ANO2: variants seen among roughly 807,000 people sequenced by gnomAD.
ANO2 encodes the protein anoctamin-2.
ANO2 carries 101 observed loss-of-function variants against 124.2 expected under a neutral mutation model. The observed-to-expected ratio is 0.81, with a 90% confidence interval of 0.69 to 0.96. ANO2 has a LOEUF of 0.96. Among genes scored for constraint, ANO2 ranks in the 40% least tolerant of loss-of-function variants. The probability of loss-of-function intolerance (pLI) is 0.00; values close to 1 mark genes in which losing one functional copy is unlikely to be tolerated. For missense variants in ANO2, 1,293 were observed against 1,274.5 expected, an observed-to-expected ratio of 1.01 and a Z score of -0.22; for synonymous variants, 486 against 482.5, an observed-to-expected ratio of 1.01 and a Z score of -0.09.
At chr12:5,916,312 A>G (rs1941370784) in intron 3 of ANO2, among the ~76,000 whole-genome samples, 1 of 152,018 alleles carries the variant, frequency 6.6e-6, no homozygotes, top group Non-Finnish European at 1.5e-5. Flanking sequence ...GAATCAATGT[A>G]CATGCAGAAC....
At chr12:5,848,553 T>TG (rs1245757497) in intron 4 of ANO2, among the ~76,000 whole-genome samples, 1 of 152,202 alleles carries the variant, frequency 6.6e-6, no homozygotes, top group Non-Finnish European at 1.5e-5. Context: ...TCCCTTAAAA[T>TG]GGGTGCCTTC....
chr12:5,739,484 G>A lies in ANO2; in HGVS notation c.1352-85C>T, dbSNP rs1286057820. On this transcript the variant is annotated intron_variant, in intron 12 of 24. Coordinates refer to ENST00000682330, the MANE Select transcript of ANO2 (RefSeq NM_001364791.2). The stretch of plus-strand genomic sequence containing the variant: ...CTTTGGGCTCACCAGTGGAGGTGGG[G>A]GATAAGCTATTTTAAATTTAGGAGC... The A allele has an allele frequency of 4.4e-6, 5 of 1,131,610 alleles. No individual in the cohort carries two copies. In the South Asian group the frequency reaches 7.2e-5, roughly 16 times the overall value. The allele number at this position is 1,131,610 out of a possible 1,614,324, so 70.1% of individuals were successfully genotyped here. A position where few individuals can be genotyped will look rare whatever the true frequency, so the allele number is the denominator to read the frequency against.
At chr12:5,854,952 A>G (rs1042330154) in intron 3 of ANO2, among the ~76,000 whole-genome samples, 2 of 146,852 alleles carry the variant, frequency 1.4e-5, no homozygotes, top group Admixed American at 6.7e-5. Context: ...TTTTTTTTCA[A>G]AACAAGCACG....
intron 10 of ANO2, among the ~76,000 whole-genome samples, chr12:5,797,128 G>T (rs1022477059): frequency 4.7e-4 from 71 of 152,220 alleles, no homozygotes; most frequent in Admixed American, 4.6e-3. Context: ...CGAGGCACAC[G>T]GAGGGTGCCA....
At chr12:5,708,308 G>A (rs1021101490) in intron 14 of ANO2, among the ~76,000 whole-genome samples, 1 of 152,174 alleles carries the variant, frequency 6.6e-6, no homozygotes, top group Non-Finnish European at 1.5e-5. Context: ...ATTTTACAAT[G>A]CAAATCTGAT....
chr12:5,941,052 A>G (rs1942874824), intron 1 of ANO2, among the ~76,000 whole-genome samples: 1 of 152,234 alleles, frequency 6.6e-6, no homozygotes, highest in South Asian at 2.1e-4. Flanking sequence ...TAGAATAGGC[A>G]TATCCATGGA....
intron 3 of ANO2, chr12:5,858,461 A>G (rs926456713): frequency 6.6e-6 from 1 of 152,238 alleles, no homozygotes; most frequent in Non-Finnish European, 1.5e-5. Context: ...AGATTCAAAT[A>G]GAATCAGTAT....
At chr12:5,812,191 G>A (rs1953410688) in intron 7 of ANO2, among the ~76,000 whole-genome samples, 1 of 136,520 alleles carries the variant, frequency 7.3e-6, no homozygotes, top group Non-Finnish European at 1.6e-5. Context: ...AAGAGAAGGG[G>A]AAGGGAGGGA....
chr12:5,763,861 A>G (rs1405373463), intron 10 of ANO2, among the ~76,000 whole-genome samples: 2 of 152,200 alleles, frequency 1.3e-5, no homozygotes, highest in Non-Finnish European at 2.9e-5. Flanking sequence ...AATAGAAAAA[A>G]GTCAATGAAA....
At chr12:5,693,600 C>T (rs999532436) in intron 14 of ANO2, among the ~76,000 whole-genome samples, 1 of 152,154 alleles carries the variant, frequency 6.6e-6, no homozygotes, top group Admixed American at 6.5e-5. Flanking sequence ...GCCCTGGTGA[C>T]TTCCCATCTC....
At chr12:5,672,032 A>G (rs2083842199) in intron 14 of ANO2, among the ~76,000 whole-genome samples, 3 of 152,204 alleles carry the variant, frequency 2.0e-5, no homozygotes, top group Middle Eastern at 3.4e-3. Flanking sequence ...GGTGATCCCT[A>G]GGTTCTCGCT....
chr12:5,637,561 G>A (rs955847260), intron 15 of ANO2, among the ~76,000 whole-genome samples: 1 of 152,092 alleles, frequency 6.6e-6, no homozygotes, highest in Non-Finnish European at 1.5e-5. Flanking sequence ...TGTGGTCCAA[G>A]GACCAGCTGC....
intron 13 of ANO2, chr12:5,732,945 C>G: frequency 6.3e-7 from 1 of 1,586,296 alleles, no homozygotes; most frequent in Non-Finnish European, 8.7e-7. Context: ...CGAAGAGGGG[C>G]CCAGTGCTTT....
rs12229344 is a variant in ANO2 at position 5,926,820 on chromosome 12, G to A, written c.23-4016C>T. Among the ~76,000 whole-genome samples the A allele has an allele frequency of 1.1e-4, 16 of 152,272 alleles. No homozygotes were observed. In the East Asian group the frequency reaches 2.9e-3, roughly 28 times the overall value. ...CCACGAGGACCCATGTGATGTTGCC[G>A]GAGGAAGGCCTCACCACCAGCACCC... is the stretch of plus-strand genomic sequence containing the variant. On this transcript the variant is annotated intron_variant, in intron 1 of 24. Coordinates refer to ENST00000682330, the MANE Select transcript of ANO2 (RefSeq NM_001364791.2).
chr12:5,760,530 A>C (rs192441434), intron 10 of ANO2, among the ~76,000 whole-genome samples: 283 of 152,320 alleles, frequency 1.9e-3, no homozygotes, highest in Middle Eastern at 3.4e-3. Context: ...TCTAATTGAA[A>C]AGAGGACACA....
At chr12:5,716,357 T>C (rs1435533846) in intron 14 of ANO2, among the ~76,000 whole-genome samples, 1 of 152,174 alleles carries the variant, frequency 6.6e-6, no homozygotes, top group Non-Finnish European at 1.5e-5. Context: ...GTGTGGCCCC[T>C]GGCTCTTTCC....
intron 3 of ANO2, among the ~76,000 whole-genome samples, chr12:5,866,024 A>G (rs546181106): frequency 6.6e-6 from 1 of 152,200 alleles, no homozygotes; most frequent in Non-Finnish European, 1.5e-5. Flanking sequence ...GAGCTCAGCC[A>G]TATGTTTTTA....
At chr12:5,890,155 G>A (rs1241980325) in intron 3 of ANO2, among the ~76,000 whole-genome samples, 2 of 152,118 alleles carry the variant, frequency 1.3e-5, no homozygotes, top group Non-Finnish European at 1.5e-5. Flanking sequence ...ATTCTTCCAG[G>A]GGCCTGGGGA....
chr12:5,935,783 TTAAAATATTGA>T (rs1942623609), intron 1 of ANO2, among the ~76,000 whole-genome samples: 1 of 152,188 alleles, frequency 6.6e-6, no homozygotes, highest in South Asian at 2.1e-4. Flanking sequence ...CCCAAGAAGG[TTAAAATATTGA>T]TGTCTGGGTT....
Sources: gnomAD v4.1 joint callset for allele counts (sites outside exome capture counted in the v4.1 genomes callset) on GRCh38, gnomAD v4.1.1 for gene constraint, MANE v1.5 for transcripts, NCBI Gene and HGNC (gene_info 2026-07-23, HGNC 2026-07-21) for gene names.